The following TNS1 variants were observed in gnomAD, a reference collection of about 807,000 sequenced individuals.
TNS1 encodes the protein tensin-1.
TNS1 carries 62 observed loss-of-function variants against 168.6 expected under a neutral mutation model. The observed-to-expected ratio is 0.37, with a 90% CI of 0.30 to 0.45. The LOEUF (loss-of-function observed/expected upper bound fraction) is 0.45, where lower values mean the gene tolerates loss of function less well. Ranked by LOEUF, TNS1 falls within the 20% of genes least tolerant of loss-of-function variation. TNS1 has a pLI of 1.00. For synonymous variants in TNS1, 934 were observed against 933.2 expected (o/e 1.00, Z -0.02); for missense variants, 2,240 against 2,339.4 (o/e 0.96, Z 0.88).
intron 23 of TNS1, among the ~76,000 whole-genome samples, chr2:217,819,651 C>T (rs532132266): frequency 6.6e-6 from 1 of 152,276 alleles, no homozygotes; most frequent in Non-Finnish European, 1.5e-5. Flanking sequence ...AATGTGATGG[C>T]CAGTGAGTTT....
intron 17 of TNS1, chr2:217,881,323 C>A (rs1950664274): frequency 3.5e-6 from 1 of 286,300 alleles, no homozygotes; most frequent in Admixed American, 4.7e-5. Context: ...GCCTCTTTTT[C>A]TTCTGTGTCC....
intron 24 of TNS1, among the ~76,000 whole-genome samples, chr2:217,815,570 C>T (rs995724225): frequency 2.0e-5 from 3 of 152,214 alleles, no homozygotes; most frequent in Non-Finnish European, 2.9e-5. Context: ...CCCTGCCCGC[C>T]ATCTGGGTGG....
intron 8 of TNS1, among the ~76,000 whole-genome samples, chr2:217,895,419 C>T (rs1952189929): frequency 6.6e-6 from 1 of 152,216 alleles, no homozygotes; most frequent in Non-Finnish European, 1.5e-5. Context: ...CACTCAGCCA[C>T]CCTGTTCCGT....
chr2:217,802,858 T>G lies in TNS1; in HGVS notation c.*1601A>C, dbSNP rs938804613. On this transcript the variant is annotated 3_prime_UTR_variant, in exon 33 of 33. Coordinates refer to ENST00000682258, the MANE Select transcript of TNS1 (RefSeq NM_001387777.1). ...TCTCATGTATATATTATATAATATT[T>G]ATATATCAGTACAATGCCTCTCTCT... 1 of 152,672 alleles carries G rather than the reference T, an allele frequency of 6.5e-6. No homozygotes were observed. The highest frequency in any genetic ancestry group is 1.5e-5 in the Non-Finnish European group (1 of 68,046). The allele number at this position is 152,672 out of a possible 1,614,324, so 9.5% of individuals were successfully genotyped here. A position where few individuals can be genotyped will look rare whatever the true frequency, so the allele number is the denominator to read the frequency against.
chr2:217,886,429 A>G (rs770746357), intron 13 of TNS1, 105 bp downstream of exon 13: 1 of 904,134 alleles, frequency 1.1e-6, no homozygotes, highest in Non-Finnish European at 1.8e-6. Flanking sequence ...ATGACTCTGC[A>G]GCTCTCGGGC....
intron 18 of TNS1, chr2:217,850,578 G>C: frequency 1.1e-6 from 1 of 947,806 alleles, no homozygotes; most frequent in African/African-American, 2.2e-5. Flanking sequence ...CACCAGCCCC[G>C]ACAGACACAC....
intron 3 of TNS1, among the ~76,000 whole-genome samples, chr2:217,933,844 C>T (rs1183514293): frequency 6.6e-6 from 1 of 152,100 alleles, no homozygotes; most frequent in Non-Finnish European, 1.5e-5. Flanking sequence ...GGTGCACAAA[C>T]AATAGGGTGG....
chr2:218,000,889 C>G (rs1230322824), intron 1 of TNS1, among the ~76,000 whole-genome samples: 1 of 152,196 alleles, frequency 6.6e-6, no homozygotes, highest in Non-Finnish European at 1.5e-5. Flanking sequence ...CAGTGGCTCA[C>G]ACCTATAATC....
chr2:217,809,216 CATGG>C (rs1446633026), intron 30 of TNS1, among the ~76,000 whole-genome samples: 9 of 29,978 alleles, frequency 3.0e-4, no homozygotes, highest in South Asian at 8.5e-4. Flanking sequence ...TGGATGGATG[CATGG>C]ATGGATGGAT....
intron 1 of TNS1, among the ~76,000 whole-genome samples, chr2:217,994,310 G>T (rs1024972457): frequency 3.3e-5 from 5 of 152,052 alleles, no homozygotes; most frequent in Admixed American, 3.3e-4. Context: ...CAGGGTGGGG[G>T]CCCTGGTCAG....
At chr2:217,981,545 G>A (rs979565242) in intron 2 of TNS1, among the ~76,000 whole-genome samples, 5 of 152,212 alleles carry the variant, frequency 3.3e-5, no homozygotes, top group Non-Finnish European at 5.9e-5. Flanking sequence ...AGAGGGGAAC[G>A]AGGGAAGACC....
At chr2:217,997,877 C>G (rs1958499564) in intron 1 of TNS1, among the ~76,000 whole-genome samples, 2 of 152,256 alleles carry the variant, frequency 1.3e-5, no homozygotes, top group African/African-American at 4.8e-5. Context: ...AGACACACAT[C>G]TGCTCTGTGT....
rs1470310259 is a variant in TNS1, at chr2:217,995,338, A to G, written c.34-4282T>C. ...TGAGCCTCCTATCCTCAAATATATG[A>G]AGGAACAGTTATTGTAAGTAGGCAC... On this transcript the variant is annotated intron_variant, in intron 1 of 32. Transcript: ENST00000682258. This position sits in a 1 kb window ranked among gnomAD's most constrained non-coding sequence, Gnocchi z 4.1. 6.6e-6 allele frequency among the ~76,000 whole-genome samples: 1 copy of G among 152,168 alleles called. No individual in the cohort carries two copies.
chr2:217,857,564 G>A (rs1222753843), intron 18 of TNS1, among the ~76,000 whole-genome samples: 5 of 152,200 alleles, frequency 3.3e-5, no homozygotes, highest in African/African-American at 7.2e-5. Flanking sequence ...GGAAGGACCC[G>A]TGGCAATTGT....
Position 217,848,604 on chromosome 2 carries a change from G to T in TNS1, c.1913C>A (p.Ala638Glu), listed in dbSNP as rs116507626. 7.4e-6 allele frequency: 12 copies of T among 1,614,060 alleles called. No homozygotes were observed. Among genetic ancestry groups the T allele is most frequent in the Non-Finnish European group, 1.0e-5 (12 of 1,180,032 alleles). Residue 638 changes from alanine (A) to glutamate (E), a missense_variant, in exon 19 of 33, where the codon GCG becomes GAG. By Grantham distance (107) the Ala-to-Glu change is moderately radical. Coordinates refer to ENST00000682258, the MANE Select transcript of TNS1 (RefSeq NM_001387777.1). ...AGAAGAGAGTGTGCCCATGCTGCCC[G>T]CACTGTGACCATCCTGGTTTGGCAA... ...DELPNQDGHS[A>E]GSMGTLSSLD...
chr2:217,991,595 C>A (rs1379009358), intron 1 of TNS1, among the ~76,000 whole-genome samples: 2 of 152,160 alleles, frequency 1.3e-5, no homozygotes, highest in Non-Finnish European at 2.9e-5. Context: ...TTCCTTCACA[C>A]ACCATGAATC....
Position 217,848,517 on chromosome 2 carries a change from T to C in TNS1, c.2000A>G (p.Asn667Ser), listed in dbSNP as rs1339485733. 2 of 1,613,594 alleles carry C rather than the reference T, an allele frequency of 1.2e-6. No homozygotes were observed. Among genetic ancestry groups the C allele is most frequent in the East Asian group, 2.2e-5 (1 of 44,846 alleles). The change falls in exon 19 of 33, where the codon AAC (asparagine) becomes AGC (serine). Residue 667 changes from asparagine (N) to serine (S), a missense_variant. Coordinates refer to ENST00000682258, the MANE Select transcript of TNS1 (RefSeq NM_001387777.1). The stretch of plus-strand genomic sequence containing the variant: ...CATGGGGTAGGACTTGTCCAGACCG[T>C]TGGTCAGTGGGGACAGGGCCTCTGG... ...GYPEALSPLT[N>S]GLDKSYPMEP...
intron 3 of TNS1, among the ~76,000 whole-genome samples, chr2:217,943,024 C>T (rs1175794203): frequency 3.9e-5 from 6 of 152,170 alleles, no homozygotes; most frequent in Non-Finnish European, 8.8e-5. Context: ...TATGGATTCT[C>T]CAGCCTGGGA....
At chr2:217,996,414 T>C (rs1419336489) in intron 1 of TNS1, among the ~76,000 whole-genome samples, 1 of 152,074 alleles carries the variant, frequency 6.6e-6, no homozygotes, top group Non-Finnish European at 1.5e-5. Context: ...AGATCCCCAG[T>C]GGGGCTGCCG....
Sources: allele counts gnomAD v4.1 joint callset (sites outside exome capture counted in the v4.1 genomes callset), GRCh38; gene constraint gnomAD v4.1.1; non-coding constraint Gnocchi (gnomAD v3.1); transcripts MANE v1.5; gene names NCBI Gene and HGNC (gene_info 2026-07-23, HGNC 2026-07-21).